The following RBMS3 variants were observed in gnomAD, a reference collection of about 807,000 sequenced individuals.
RBMS3 encodes RNA binding motif single stranded interacting protein 3.
Under a neutral mutation model 66.8 loss-of-function variants are expected in RBMS3, and 27 were observed. The ratio of observed to expected loss-of-function variants is 0.40; its 90% CI spans 0.30 to 0.56. The LOEUF is 0.56. RBMS3 is among the 20% of genes least tolerant of loss of function. The pLI, the probability that RBMS3 is intolerant of heterozygous loss-of-function variation, is 0.40. For synonymous variants in RBMS3, 188 were observed against 183.0 expected (o/e 1.03, Z -0.22); for missense variants, 513 against 549.5 (o/e 0.93, Z 0.66).
intron 10 of RBMS3, among the ~76,000 whole-genome samples, chr3:29,923,650 T>G (rs1414745663): frequency 6.6e-6 from 1 of 152,194 alleles, no homozygotes; most frequent in Non-Finnish European, 1.5e-5. Context: ...CTGAATAATT[T>G]TCTTTTGGAT....
At chr3:29,887,028 A>G (rs2059888349) in intron 8 of RBMS3, among the ~76,000 whole-genome samples, 1 of 151,830 alleles carries the variant, frequency 6.6e-6, no homozygotes, top group Non-Finnish European at 1.5e-5. Flanking sequence ...AGCAAAGGAA[A>G]TCAACATTAA....
intron 2 of RBMS3, among the ~76,000 whole-genome samples, chr3:29,477,847 C>T (rs530141390): frequency 2.0e-5 from 3 of 152,282 alleles, no homozygotes; most frequent in African/African-American, 7.2e-5. Flanking sequence ...TTCACTGCAA[C>T]CTCTGCCTCC....
At chr3:29,470,400 T>G (rs924091909) in intron 2 of RBMS3, among the ~76,000 whole-genome samples, 1 of 152,074 alleles carries the variant, frequency 6.6e-6, no homozygotes, top group African/African-American at 2.4e-5. Context: ...GTGAATGAAT[T>G]CTTTCATTGT....
At chr3:29,875,721 C>CT (rs1035512936) in intron 7 of RBMS3, among the ~76,000 whole-genome samples, 1 of 151,862 alleles carries the variant, frequency 6.6e-6, no homozygotes, top group Admixed American at 6.6e-5. Context: ...CAGATTAAAA[C>CT]TTTTTTTTCC....
chr3:29,890,919 T>A (rs1319322817), intron 8 of RBMS3, among the ~76,000 whole-genome samples: 1 of 151,474 alleles, frequency 6.6e-6, no homozygotes, highest in African/African-American at 2.4e-5. Context: ...CATAGGACCG[T>A]GGAGGAGAGG....
intron 3 of RBMS3, among the ~76,000 whole-genome samples, chr3:29,535,581 C>G (rs1362765371): frequency 6.6e-6 from 1 of 151,950 alleles, no homozygotes; most frequent in Non-Finnish European, 1.5e-5. Context: ...TTTGACAAAA[C>G]CTAGTCTACA....
intron 6 of RBMS3, chr3:29,767,467 A>G (rs1421054975): frequency 6.6e-6 from 1 of 151,868 alleles, no homozygotes; most frequent in Non-Finnish European, 1.5e-5. Flanking sequence ...AGCCTACCAC[A>G]TTATGGGATC....
intron 3 of RBMS3, among the ~76,000 whole-genome samples, chr3:29,581,669 C>T (rs182367568): frequency 6.6e-5 from 10 of 152,336 alleles, no homozygotes; most frequent in East Asian, 5.8e-4. Flanking sequence ...ATTTGACTCA[C>T]GGTTGGATTG....
At chr3:29,954,986 T>A (rs1695933101) in intron 12 of RBMS3, among the ~76,000 whole-genome samples, 1 of 152,070 alleles carries the variant, frequency 6.6e-6, no homozygotes, top group African/African-American at 2.4e-5. Context: ...AGATCAGATT[T>A]CTGAATCTAA....
chr3:29,709,503 T>G (rs1576584773), intron 4 of RBMS3, among the ~76,000 whole-genome samples: 1 of 152,242 alleles, frequency 6.6e-6, no homozygotes, highest in Non-Finnish European at 1.5e-5. Flanking sequence ...GAAGCTTTTA[T>G]AGTTTTTGAG....
chr3:29,765,957 T>G (rs879009100), intron 6 of RBMS3: 1 of 152,442 alleles, frequency 6.6e-6, no homozygotes, highest in Middle Eastern at 3.4e-3. Flanking sequence ...CTCATGAGAC[T>G]TATTCACAAT....
intron 14 of RBMS3, among the ~76,000 whole-genome samples, chr3:29,999,052 A>G (rs1399592390): frequency 6.6e-6 from 1 of 152,188 alleles, no homozygotes; most frequent in Non-Finnish European, 1.5e-5. Flanking sequence ...AGAATCTACA[A>G]TGAACTCAAA....
At chr3:29,698,407 G>C in intron 4 of RBMS3, 1 of 985,194 alleles carries the variant, frequency 1.0e-6, no homozygotes, top group Non-Finnish European at 1.2e-6. Context: ...AAATTCTATA[G>C]CCAGGATATC....
chr3:29,606,397 G>A (rs543144798), intron 4 of RBMS3, among the ~76,000 whole-genome samples: 1 of 151,902 alleles, frequency 6.6e-6, no homozygotes, highest in African/African-American at 2.4e-5. Context: ...AACATTTCAA[G>A]TGTGTTTGAC....
intron 6 of RBMS3, among the ~76,000 whole-genome samples, chr3:29,826,325 G>A (rs971899743): frequency 2.0e-5 from 3 of 152,048 alleles, no homozygotes; most frequent in African/African-American, 7.2e-5. Flanking sequence ...TTTTTTATCA[G>A]AAATATCCTT....
chr3:29,454,716 T>G (rs1033010282), intron 2 of RBMS3, among the ~76,000 whole-genome samples: 6 of 152,200 alleles, frequency 3.9e-5, no homozygotes, highest in Non-Finnish European at 5.9e-5. Flanking sequence ...AATTTTCTGT[T>G]GCCTTTTCTT....
chr3:29,609,801 G>A (rs902898127), intron 4 of RBMS3, among the ~76,000 whole-genome samples: 3 of 151,944 alleles, frequency 2.0e-5, no homozygotes, highest in Admixed American at 6.6e-5. Flanking sequence ...CTCAAATAAG[G>A]TGTGTATATG....
chr3:29,681,713 C>T (rs1356550248), intron 4 of RBMS3, among the ~76,000 whole-genome samples: 1 of 152,186 alleles, frequency 6.6e-6, no homozygotes, highest in African/African-American at 2.4e-5. Flanking sequence ...CATAGTATTC[C>T]ATGGTGTATA....
chr3:29,582,420 C>A (rs1473204434), intron 3 of RBMS3, among the ~76,000 whole-genome samples: 1 of 152,168 alleles, frequency 6.6e-6, no homozygotes, highest in Non-Finnish European at 1.5e-5. Flanking sequence ...GGCCTTCTCC[C>A]CCTGACAAGG....
Sources: allele counts gnomAD v4.1 joint callset (sites outside exome capture counted in the v4.1 genomes callset), GRCh38; gene constraint gnomAD v4.1.1; transcripts MANE v1.5; gene names NCBI Gene and HGNC (gene_info 2026-07-23, HGNC 2026-07-21).